The following SETBP1 variants were observed in gnomAD, a reference collection of about 807,000 sequenced individuals.
SETBP1 encodes the protein SET-binding protein.
In SETBP1, 9 loss-of-function variants were observed where a neutral mutation model predicts 101.0. That is an observed-to-expected ratio of 0.09 (90% CI 0.05 to 0.16). The LOEUF (loss-of-function observed/expected upper bound fraction) is 0.16. Ranked by LOEUF, SETBP1 falls within the 10% of genes least tolerant of loss-of-function variation. The pLI, the probability that SETBP1 is intolerant of heterozygous loss-of-function variation, is 1.00. For missense variants in SETBP1, 1,858 were observed against 2,033.8 expected, an observed-to-expected ratio of 0.91 and a Z score of 1.66; for synonymous variants, 818 against 788.5, an observed-to-expected ratio of 1.04 and a Z score of -0.63.
At chr18:44,968,424 T>C (rs989029839) in intron 4 of SETBP1, among the ~76,000 whole-genome samples, 1 of 152,158 alleles carries the variant, frequency 6.6e-6, no homozygotes, top group Non-Finnish European at 1.5e-5. Context: ...AGCTGGATAG[T>C]GGGCATGATC....
chr18:44,701,725 C>A lies in SETBP1; in HGVS notation c.379C>A (p.Pro127Thr). ...GAATTTGGAGAACTATATATGTCCACCTGAGATCAAGATCACCATCAAGCA... is the reference window on the plus strand; with the variant it reads ...GAATTTGGAGAACTATATATGTCCAACTGAGATCAAGATCACCATCAAGCA... ...PKNLENYICPPEIKITIKQSG... is the reference protein window; with the variant it reads ...PKNLENYICPTEIKITIKQSG... Residue 127 changes from proline (P) to threonine (T), a missense_variant, in exon 2 of 6, where the codon CCT becomes ACT. Physicochemically the swap from Pro to Thr is conservative, Grantham distance 38. Coordinates refer to ENST00000649279, the MANE Select transcript of SETBP1 (RefSeq NM_015559.3). 1 of 1,614,124 alleles carries A rather than the reference C, an allele frequency of 6.2e-7. No individual in the cohort carries two copies. Among genetic ancestry groups the A allele is most frequent in the Non-Finnish European group, 8.5e-7 (1 of 1,180,030 alleles).
intron 2 of SETBP1, among the ~76,000 whole-genome samples, chr18:44,732,393 C>T (rs1457871857): frequency 6.6e-6 from 1 of 152,184 alleles, no homozygotes; most frequent in Non-Finnish European, 1.5e-5. Flanking sequence ...CGGGAACTTG[C>T]TGTGCTGAGC....
At chr18:45,049,849 CA>C (rs1410481045) in intron 5 of SETBP1, among the ~76,000 whole-genome samples, 3 of 152,082 alleles carry the variant, frequency 2.0e-5, no homozygotes, top group African/African-American at 7.2e-5. Flanking sequence ...TGGTGAAATT[CA>C]GAGAAATTTG....
At chr18:44,746,281 C>T (rs182586447) in intron 2 of SETBP1, among the ~76,000 whole-genome samples, 1 of 152,262 alleles carries the variant, frequency 6.6e-6, no homozygotes, top group East Asian at 1.9e-4. Context: ...TGTAATGATG[C>T]CCACATTTCT....
At chr18:44,925,952 A>G (rs2070696458) in intron 3 of SETBP1, among the ~76,000 whole-genome samples, 1 of 152,384 alleles carries the variant, frequency 6.6e-6, no homozygotes, top group South Asian at 2.1e-4. Flanking sequence ...GATACATTAA[A>G]TAAAGAGCAA....
At chr18:45,048,373 C>A (rs1037669591) in intron 5 of SETBP1, among the ~76,000 whole-genome samples, 6 of 152,186 alleles carry the variant, frequency 3.9e-5, no homozygotes, top group Admixed American at 2.0e-4. Context: ...TTTTATGAAA[C>A]CCTCTCATGT....
At chr18:45,001,340 C>T (rs1361680260) in intron 4 of SETBP1, among the ~76,000 whole-genome samples, 1 of 152,150 alleles carries the variant, frequency 6.6e-6, no homozygotes, top group Admixed American at 6.5e-5. Context: ...GCCTGAAAAG[C>T]TCTTAGGCCA....
intron 2 of SETBP1, among the ~76,000 whole-genome samples, chr18:44,714,565 T>C (rs1011355020): frequency 6.6e-6 from 1 of 151,854 alleles, no homozygotes; most frequent in African/African-American, 2.4e-5. Flanking sequence ...GTATTTTGCA[T>C]TGGTAGTTAG....
At chr18:45,034,132 T>C (rs1170177127) in intron 4 of SETBP1, among the ~76,000 whole-genome samples, 1 of 152,184 alleles carries the variant, frequency 6.6e-6, no homozygotes, top group African/African-American at 2.4e-5. Context: ...ATGACCTCTG[T>C]GACCTTGAGC....
chr18:44,861,229 CTTTTTTTTTTTTTTT>C (rs775284488), intron 2 of SETBP1, among the ~76,000 whole-genome samples: 3 of 88,338 alleles, frequency 3.4e-5, no homozygotes, highest in African/African-American at 8.8e-5. Flanking sequence ...TTTTTCTTTT[CTTTTTTTTTTTTTTT>C]TTTTTTTTTT....
At chr18:44,691,248 G>A (rs1198949855) in intron 1 of SETBP1, among the ~76,000 whole-genome samples, 1 of 152,120 alleles carries the variant, frequency 6.6e-6, no homozygotes, top group East Asian at 1.9e-4. Flanking sequence ...TTAATTTCCA[G>A]GTCTGTAAAA....
chr18:44,990,988 C>T (rs1167836816), intron 4 of SETBP1, among the ~76,000 whole-genome samples: 3 of 148,078 alleles, frequency 2.0e-5, no homozygotes, highest in Admixed American at 1.3e-4. Context: ...TGGTGGCTCA[C>T]GCCTGTAATC....
rs1264336067 is a variant in SETBP1 at position 44,952,238 on chromosome 18, G to T, written c.2898G>T (p.Val966=). 6.2e-7 allele frequency: 1 copy of T among 1,613,910 alleles called. No individual in the cohort carries two copies. Among genetic ancestry groups the T allele is most frequent in the African/African-American group, 1.3e-5 (1 of 74,876 alleles). Residue 966 remains valine, a synonymous_variant, in exon 4 of 6, where the codon GTG becomes GTT. Transcript: ENST00000649279. ...DLEELITKFQ[V]FRISHRSYTF... ...AGGAGCTAATCACCAAGTTCCAAGT[G>T]TTCAGAATCTCCCACCGGAGTTACA... is the stretch of plus-strand genomic sequence containing the variant.
In SETBP1 at chr18:44,950,286, G is replaced by T; in HGVS notation, c.946G>T (p.Asp316Tyr). 6.2e-7 allele frequency: 1 copy of T among 1,614,026 alleles called. No homozygotes were observed. The highest frequency in any genetic ancestry group is 8.5e-7 in the Non-Finnish European group (1 of 1,180,032). Residue 316 changes from aspartate to tyrosine, a missense_variant, in exon 4 of 6, where the codon GAT becomes TAT. Transcript: ENST00000649279. ...AECNGLQPLV[D>Y]QDGGGTKEPP... is the part of the protein sequence containing the mutation. ...GTGCAACGGGCTTCAGCCCTTGGTG[G>T]ATCAAGATGGAGGAGGTACAAAGGA...
intron 4 of SETBP1, among the ~76,000 whole-genome samples, chr18:44,982,311 G>T (rs914699368): frequency 6.6e-6 from 1 of 151,932 alleles, no homozygotes; most frequent in African/African-American, 2.4e-5. Flanking sequence ...AGGGGCCGCC[G>T]GCTGGAAGAT....
chr18:44,925,859 A>C (rs2070694289), intron 3 of SETBP1, among the ~76,000 whole-genome samples: 1 of 152,234 alleles, frequency 6.6e-6, no homozygotes, highest in South Asian at 2.1e-4. Context: ...TTATTATAGA[A>C]AGAAGGAGTG....
At position 44,777,853 on chromosome 18, in the gene SETBP1, C is replaced by G. The variant is rs543648558; in HGVS notation, c.486+76021C>G. 6.6e-4 allele frequency among the ~76,000 whole-genome samples: 101 copies of G among 152,354 alleles called. 3 individuals are homozygous for G. The South Asian group carries it at 8.3e-3, about 12-fold the overall frequency. On this transcript the variant is annotated intron_variant, in intron 2 of 5. Transcript: ENST00000649279. ...AATGATAAAAGTCTGATTTCTCAAG[C>G]ACTTTATTTGTCTATTGGATCAGAA...
chr18:44,808,800 G>A (rs1026806517), intron 2 of SETBP1, among the ~76,000 whole-genome samples: 11 of 152,164 alleles, frequency 7.2e-5, no homozygotes, highest in African/African-American at 2.7e-4. Flanking sequence ...ATTGATCAAG[G>A]AAGACTTACA....
intron 2 of SETBP1, among the ~76,000 whole-genome samples, chr18:44,804,502 A>T (rs1292107301): frequency 1.3e-5 from 2 of 152,230 alleles, no homozygotes; most frequent in East Asian, 3.9e-4. Flanking sequence ...TTCGAAAGTA[A>T]TCCTGTGGCT....
Sources: gnomAD v4.1 joint callset for allele counts (sites outside exome capture counted in the v4.1 genomes callset) on GRCh38, gnomAD v4.1.1 for gene constraint, MANE v1.5 for transcripts, NCBI Gene and HGNC (gene_info 2026-07-23, HGNC 2026-07-21) for gene names.